The following SSH2 variants were observed in gnomAD, a reference collection of about 807,000 sequenced individuals.
SSH2 encodes the protein slingshot protein phosphatase 2.
SSH2 carries 37 observed loss-of-function variants against 135.2 expected under a neutral mutation model. That is an observed-to-expected ratio of 0.27 (90% CI 0.21 to 0.36). The LOEUF (loss-of-function observed/expected upper bound fraction) is 0.36, where lower values mean the gene tolerates loss of function less well. Among genes scored for constraint, SSH2 ranks in the 10% least tolerant of loss-of-function variants. SSH2 has a pLI of 1.00. For synonymous variants in SSH2, 628 were observed against 646.2 expected, an observed-to-expected ratio of 0.97 and a Z score of 0.43; for missense variants, 1,408 against 1,765.3, an observed-to-expected ratio of 0.80 and a Z score of 3.63.
chr17:29,724,250 C>T (rs1226850924), intron 3 of SSH2, among the ~76,000 whole-genome samples: 1 of 152,154 alleles, frequency 6.6e-6, no homozygotes, highest in African/African-American at 2.4e-5. Context: ...CTATTCTAGC[C>T]GGGCAGGGTG....
At chr17:29,703,178 C>A (rs1044272916) in intron 3 of SSH2, 116 bp from the exon 4 acceptor site, 4 of 718,012 alleles carry the variant, frequency 5.6e-6, no homozygotes, top group African/African-American at 1.7e-5. Flanking sequence ...CTTCATGGAA[C>A]GAAGTAAAAA....
In SSH2 at chr17:29,631,392, G is replaced by C. The variant is rs756695266; in HGVS notation, c.3802C>G (p.Arg1268Gly). ...VKERAKEIES[R>G]VVFQAGLTKP... is the part of the protein sequence containing the mutation. ...GTGAGCCCTGCCTGGAAAACCACTC[G>C]AGACTCGATTTCTTTAGCACGCTCC... Residue 1268 changes from arginine (R) to glycine (G), a missense_variant, in exon 16 of 16, where the codon CGA becomes GGA. This residue lies in a region of SSH2 where 1,080 missense variants were observed against 1,144.5 expected (regional missense o/e 0.94). Transcript: ENST00000540801. 1 of 1,614,098 alleles carries C rather than the reference G, an allele frequency of 6.2e-7. No individual in the cohort carries two copies. The highest frequency in any genetic ancestry group is 2.2e-5 in the East Asian group (1 of 44,884).
chr17:29,896,404 T>C (rs1303150360), intron 1 of SSH2, among the ~76,000 whole-genome samples: 4 of 141,516 alleles, frequency 2.8e-5, no homozygotes, highest in Admixed American at 7.0e-5. Context: ...TAAAATGTAT[T>C]TTATATATAC....
At chr17:29,647,580 C>T (rs1317440214) in intron 14 of SSH2, 1 of 152,222 alleles carries the variant, frequency 6.6e-6, no homozygotes, top group Admixed American at 6.5e-5. Context: ...ATCTTCCATA[C>T]TACTCTTTTT....
At chr17:29,841,097 G>A (rs1411442914) in intron 2 of SSH2, among the ~76,000 whole-genome samples, 4 of 152,192 alleles carry the variant, frequency 2.6e-5, no homozygotes, top group African/African-American at 9.7e-5. Flanking sequence ...CTGGGAGGGT[G>A]AGTCAGTAGT....
chr17:29,846,196 G>T (rs1055184778), intron 2 of SSH2, among the ~76,000 whole-genome samples: 5 of 151,952 alleles, frequency 3.3e-5, no homozygotes, highest in African/African-American at 1.2e-4. Context: ...GCACCACCAC[G>T]CCAGACTTTT....
chr17:29,657,914 G>A (rs1412290425), intron 11 of SSH2, among the ~76,000 whole-genome samples: 1 of 151,438 alleles, frequency 6.6e-6, no homozygotes, highest in Non-Finnish European at 1.5e-5. Flanking sequence ...GCTTTCTTTG[G>A]GAGTGTGGGA....
chr17:29,793,670 C>T (rs1032419904), intron 3 of SSH2: 8 of 409,284 alleles, frequency 2.0e-5, no homozygotes, highest in East Asian at 7.7e-5. Flanking sequence ...GGTCCTGATA[C>T]GTTGTCTCAA....
In SSH2 at chr17:29,626,188, G is replaced by A. The variant is rs878902840; in HGVS notation, c.*4653C>T. On this transcript the variant is annotated 3_prime_UTR_variant, in exon 16 of 16. Transcript: ENST00000540801. ...GCTTTAATAAAACATGAGCATAAAAGTTTGGGGTGGCTTGGGGCAAAGGTA... is the reference window on the plus strand; with the variant it reads ...GCTTTAATAAAACATGAGCATAAAAATTTGGGGTGGCTTGGGGCAAAGGTA... The A allele has an allele frequency of 6.6e-6, 1 of 152,056 alleles. No homozygotes were observed. The highest frequency in any genetic ancestry group is 2.1e-4 in the South Asian group (1 of 4,816). 9.4% of individuals were successfully genotyped at this position (152,056 alleles called of 1,614,324 possible).
chr17:29,880,204 C>T (rs1298068855), intron 1 of SSH2, among the ~76,000 whole-genome samples: 1 of 152,188 alleles, frequency 6.6e-6, no homozygotes, highest in Non-Finnish European at 1.5e-5. Context: ...TCACTGCAGG[C>T]TCGAGCCCCA....
intron 5 of SSH2, among the ~76,000 whole-genome samples, 164 bp downstream of exon 5, chr17:29,695,295 C>T (rs1356966875): frequency 6.6e-6 from 1 of 152,124 alleles, no homozygotes; most frequent in African/African-American, 2.4e-5. Context: ...TGGTGCTTAC[C>T]AACAGTCTTA....
intron 3 of SSH2, among the ~76,000 whole-genome samples, chr17:29,772,306 C>T (rs1335899403): frequency 1.4e-5 from 2 of 147,158 alleles, no homozygotes; most frequent in Non-Finnish European, 3.0e-5. Flanking sequence ...AGTGCAGTGG[C>T]GTGATCTCGG....
intron 3 of SSH2, among the ~76,000 whole-genome samples, chr17:29,766,236 T>G (rs2041444851): frequency 6.6e-6 from 1 of 151,930 alleles, no homozygotes. Context: ...GGCTCACACC[T>G]GTAATCCTAG....
At chr17:29,702,400 A>T (rs2039021737) in intron 4 of SSH2, among the ~76,000 whole-genome samples, 1 of 151,246 alleles carries the variant, frequency 6.6e-6, no homozygotes, top group Non-Finnish European at 1.5e-5. Flanking sequence ...GAAGTCTGTA[A>T]TCCCAGCACT....
At chr17:29,775,866 A>AG in intron 3 of SSH2, 1 of 152,232 alleles carries the variant, frequency 6.6e-6, no homozygotes, top group Non-Finnish European at 1.5e-5. Context: ...TCTGTGTTCC[A>AG]GGGGAGATAT....
At chr17:29,811,758 A>T (rs766180056) in intron 2 of SSH2, among the ~76,000 whole-genome samples, 6 of 152,018 alleles carry the variant, frequency 3.9e-5, no homozygotes, top group Non-Finnish European at 8.8e-5. Flanking sequence ...GTAGAGACAG[A>T]GTCTCACTAT....
chr17:29,855,365 C>T (rs149544090), intron 1 of SSH2, among the ~76,000 whole-genome samples: 1,902 of 152,118 alleles, frequency 0.013, 22 homozygotes, highest in Non-Finnish European at 0.018. Context: ...ATTAGCTGGG[C>T]GTGGTAGCAT....
intron 1 of SSH2, among the ~76,000 whole-genome samples, chr17:29,884,726 T>G (rs2066201634): frequency 6.6e-6 from 1 of 152,180 alleles, no homozygotes; most frequent in Non-Finnish European, 1.5e-5. Flanking sequence ...TATCTTTATT[T>G]CACCTCATAA....
intron 3 of SSH2, among the ~76,000 whole-genome samples, chr17:29,729,567 A>C (rs937454499): frequency 2.6e-5 from 4 of 152,210 alleles, no homozygotes; most frequent in African/African-American, 9.7e-5. Context: ...AATCAGTATA[A>C]AAAGAGATAT....
Sources: allele counts gnomAD v4.1 joint callset (sites outside exome capture counted in the v4.1 genomes callset), GRCh38; gene constraint gnomAD v4.1.1; regional missense constraint gnomAD v4.1.1; transcripts MANE v1.5; gene names NCBI Gene and HGNC (gene_info 2026-07-23, HGNC 2026-07-21).